The following COL22A1 variants were observed in gnomAD, a reference collection of about 807,000 sequenced individuals.
The protein encoded by COL22A1 is collagen alpha-1(XXII) chain.
In COL22A1, 221 loss-of-function variants were observed where a neutral mutation model predicts 248.9. That is an observed-to-expected ratio of 0.89 (90% CI 0.80 to 0.99). The LOEUF is 0.99. COL22A1 is among the 50% of genes least tolerant of loss of function. The pLI is 0.00. For synonymous variants in COL22A1, 891 were observed against 793.4 expected, an observed-to-expected ratio of 1.12 and a Z score of -2.07; for missense variants, 2,240 against 2,179.0, an observed-to-expected ratio of 1.03 and a Z score of -0.56.
At chr8:138,714,253 C>T (rs1360048582) in intron 30 of COL22A1, among the ~76,000 whole-genome samples, 2 of 152,164 alleles carry the variant, frequency 1.3e-5, no homozygotes, top group Non-Finnish European at 2.9e-5. Context: ...CTCTCTGAGT[C>T]TCAGCTCTTT....
chr8:138,781,259 A>T (rs1814966077), intron 12 of COL22A1, among the ~76,000 whole-genome samples: 1 of 152,186 alleles, frequency 6.6e-6, no homozygotes, highest in South Asian at 2.1e-4. Context: ...TCTGGTCCAT[A>T]GTCCTTCACT....
At chr8:138,678,305 C>T (rs1192351649) in intron 40 of COL22A1, among the ~76,000 whole-genome samples, 1 of 152,296 alleles carries the variant, frequency 6.6e-6, no homozygotes, top group East Asian at 1.9e-4. Context: ...AAATCTCTCA[C>T]TAGGTCTCCT....
intron 51 of COL22A1, 90 bp downstream of exon 51, chr8:138,626,100 T>G: frequency 1.0e-6 from 1 of 1,001,688 alleles, no homozygotes; most frequent in South Asian, 1.5e-5. Context: ...CCAGGCCTTG[T>G]TTTGACAGTG....
intron 47 of COL22A1, among the ~76,000 whole-genome samples, chr8:138,640,952 G>A (rs934316042): frequency 2.0e-5 from 3 of 152,174 alleles, no homozygotes; most frequent in African/African-American, 7.2e-5. Context: ...GTGCCCACAG[G>A]CCTTGTTGGC....
chr8:138,617,064 T>C, intron 53 of COL22A1, 106 bp from the exon 54 acceptor site: 1 of 1,179,660 alleles, frequency 8.5e-7, no homozygotes, highest in Non-Finnish European at 1.3e-6. Context: ...CCCCGCTCAT[T>C]CTTTACCATT....
intron 1 of COL22A1, among the ~76,000 whole-genome samples, chr8:138,905,104 G>T (rs1814912458): frequency 6.6e-6 from 1 of 152,218 alleles, no homozygotes; most frequent in African/African-American, 2.4e-5. Flanking sequence ...AGCTAGATTA[G>T]ATACATGACA....
At chr8:138,740,218 G>A (rs1831440291) in intron 22 of COL22A1, among the ~76,000 whole-genome samples, 1 of 152,218 alleles carries the variant, frequency 6.6e-6, no homozygotes, top group Non-Finnish European at 1.5e-5. Flanking sequence ...GGGAGGACCT[G>A]GTGAATAATC....
At chr8:138,636,526 G>GAAAGT in intron 48 of COL22A1, among the ~76,000 whole-genome samples, 1 of 151,436 alleles carries the variant, frequency 6.6e-6, no homozygotes, top group African/African-American at 2.4e-5. Flanking sequence ...GAAAGGAAAG[G>GAAAGT]AAAGGAAAGG....
chr8:138,737,665 T>A (rs1831229652), intron 22 of COL22A1, 88 bp from the exon 23 acceptor site: 1 of 820,372 alleles, frequency 1.2e-6, no homozygotes, highest in African/African-American at 1.7e-5. Context: ...GACATTTGGG[T>A]CTTTATTACT....
At chr8:138,627,922 T>A (rs1820384086) in intron 50 of COL22A1, among the ~76,000 whole-genome samples, 1 of 152,146 alleles carries the variant, frequency 6.6e-6, no homozygotes, top group African/African-American at 2.4e-5. Context: ...TAAGTCAGAG[T>A]TTTGAAGACG....
At chr8:138,715,650 T>C (rs757842022) in intron 30 of COL22A1, 32 bp downstream of exon 30, 3 of 1,545,978 alleles carry the variant, frequency 1.9e-6, no homozygotes, top group South Asian at 2.3e-5. Context: ...TAATAATAAT[T>C]GATGGTCAGA....
At chr8:138,651,008 T>G (rs1483390586) in intron 45 of COL22A1, among the ~76,000 whole-genome samples, 1 of 152,172 alleles carries the variant, frequency 6.6e-6, no homozygotes, top group Non-Finnish European at 1.5e-5. Context: ...TCATAGTCCA[T>G]GAGGTGAAGC....
chr8:138,751,391 T>G lies in COL22A1; in HGVS notation c.2085+67A>C. ...ACTGACACTGTCTATCTTCTCTGCATGGCATTATAAAATAGGGACCAGTGT... is the reference window on the plus strand; with the variant it reads ...ACTGACACTGTCTATCTTCTCTGCAGGGCATTATAAAATAGGGACCAGTGT... On this transcript the variant is annotated intron_variant, in intron 22 of 64. Transcript: ENST00000303045. 3 of 1,098,210 alleles carry G rather than the reference T, an allele frequency of 2.7e-6. No individual in the cohort carries two copies. The Admixed American group carries it at 6.2e-5, about 23-fold the overall frequency. The allele number at this position is 1,098,210 out of a possible 1,614,324, so 68.0% of individuals were successfully genotyped here.
chr8:138,735,908 C>T (rs757290472), intron 23 of COL22A1, among the ~76,000 whole-genome samples: 4 of 152,112 alleles, frequency 2.6e-5, no homozygotes, highest in Non-Finnish European at 4.4e-5. Flanking sequence ...ACAGTGTGAC[C>T]GCCACCCCGG....
At position 138,722,079 on chromosome 8, in the gene COL22A1, C is replaced by T; in HGVS notation, c.2258G>A (p.Gly753Glu). Residue 753 changes from glycine to glutamate, a missense_variant, in exon 26 of 65, where the codon GGA becomes GAA. Coordinates refer to ENST00000303045, the MANE Select transcript of COL22A1 (RefSeq NM_152888.3). ...TGGTGGTCCATTTGGCCCGTCCTTTCCAGGGGGTCCCTGGGCCAAGAGGGG... is the reference window on the plus strand; with the variant it reads ...TGGTGGTCCATTTGGCCCGTCCTTTTCAGGGGGTCCCTGGGCCAAGAGGGG... ...PGPPGPTGPP[G>E]KDGPNGPPGP... is the part of the protein sequence containing the mutation. 1.3e-6 allele frequency: 2 copies of T among 1,583,046 alleles called. No homozygotes were observed. Among genetic ancestry groups the T allele is most frequent in the Admixed American group, 1.8e-5 (1 of 56,056 alleles).
At position 138,591,500 on chromosome 8, in the gene COL22A1, A is replaced by T; in HGVS notation, c.4617T>A (p.Gly1539=). ...CTGGGTCACCTTTGGCTCCTCGCTC[A>T]CCTGGGAAGAAAAACATGCACTTTT... The part of the protein sequence containing the change: ...EGPSGPIGPK[G]ERGAKGDPGA... The change falls in exon 64 of 65, where the codon GGT becomes GGA. Residue 1539 remains glycine, a splice_region_variant and synonymous_variant. Transcript: ENST00000303045. 1 of 1,539,250 alleles carries T rather than the reference A, an allele frequency of 6.5e-7. No individual in the cohort carries two copies. The highest frequency in any genetic ancestry group is 8.8e-7 in the Non-Finnish European group (1 of 1,140,158).
rs570593713 is a variant in COL22A1 at position 138,755,891 on chromosome 8, T to C, written c.1903-62A>G. The C allele has an allele frequency of 2.1e-6, 3 of 1,435,454 alleles. No individual in the cohort carries two copies. The South Asian group carries it at 3.4e-5, about 16-fold the overall frequency. 88.9% of individuals were successfully genotyped at this position (1,435,454 alleles called of 1,614,324 possible). A position where few individuals can be genotyped will look rare whatever the true frequency, so the allele number is the denominator to read the frequency against. On this transcript the variant is annotated intron_variant, in intron 18 of 64. Transcript: ENST00000303045. ...GGTGCCACCTTCTGTGGCAGTCCCA[T>C]CCCTCTGAGGCTTATTCTTGTGGGC...
rs901998841 is a variant in COL22A1, at chr8:138,709,146, T to C, written c.2518-5799A>G. 6.0e-4 allele frequency among the ~76,000 whole-genome samples: 91 copies of C among 152,258 alleles called. 1 individual carries two copies. The highest frequency in any genetic ancestry group is 2.0e-3 in the African/African-American group (82 of 41,548). ...TAAAAAGTCAGGAAACAACAGGTGC[T>C]GGAGAGGATGTGGAGAAATAGGAAC... On this transcript the variant is annotated intron_variant, in intron 30 of 64. Coordinates refer to ENST00000303045, the MANE Select transcript of COL22A1 (RefSeq NM_152888.3).
At chr8:138,694,968 C>T (rs1214127280) in intron 32 of COL22A1, 89 bp from the exon 33 acceptor site, 44 of 1,245,890 alleles carry the variant, frequency 3.5e-5, no homozygotes, top group Non-Finnish European at 4.9e-5. Flanking sequence ...GACACACAGG[C>T]CACCTCCAGT....
Sources: allele counts gnomAD v4.1 joint callset (sites outside exome capture counted in the v4.1 genomes callset), GRCh38; gene constraint gnomAD v4.1.1; transcripts MANE v1.5; gene names NCBI Gene and HGNC (gene_info 2026-07-23, HGNC 2026-07-21).